Variants in PSD3 observed in about 807,000 individuals in gnomAD.
PSD3 encodes PH and SEC7 domain-containing protein 3.
PSD3 carries 49 observed loss-of-function variants against 105.5 expected under a neutral mutation model. The ratio of observed to expected loss-of-function variants is 0.46; its 90% CI spans 0.37 to 0.59. The LOEUF (loss-of-function observed/expected upper bound fraction) is 0.59, where lower values mean the gene tolerates loss of function less well. Ranked by LOEUF, PSD3 falls within the 20% of genes least tolerant of loss-of-function variation. The pLI, the probability that PSD3 is intolerant of heterozygous loss-of-function variation, is 0.00. For synonymous variants in PSD3, 557 were observed against 457.8 expected (o/e 1.22, Z -2.77); for missense variants, 1,561 against 1,263.8 (o/e 1.24, Z -3.57).
At chr8:18,602,225 C>T (rs375708926) in intron 11 of PSD3, among the ~76,000 whole-genome samples, 11 of 152,244 alleles carry the variant, frequency 7.2e-5, no homozygotes, top group African/African-American at 1.2e-4. Flanking sequence ...TTTCTACTTT[C>T]GCAGTAGATC....
chr8:19,001,266 T>C (rs1329500978), intron 1 of PSD3, among the ~76,000 whole-genome samples: 1 of 151,678 alleles, frequency 6.6e-6, no homozygotes, highest in Non-Finnish European at 1.5e-5. Context: ...GGCTAAATTT[T>C]TTCTTTTTTG....
chr8:18,572,988 A>G (rs1023498190), intron 13 of PSD3, among the ~76,000 whole-genome samples: 1 of 152,194 alleles, frequency 6.6e-6, no homozygotes, highest in African/African-American at 2.4e-5. Flanking sequence ...AATAAATTAT[A>G]AAATTTACTC....
At chr8:18,745,142 T>C (rs920835000) in intron 9 of PSD3, among the ~76,000 whole-genome samples, 1 of 152,184 alleles carries the variant, frequency 6.6e-6, no homozygotes, top group Non-Finnish European at 1.5e-5. Context: ...ACTGTCTACA[T>C]TGTAAAGTTA....
chr8:18,748,796 T>A (rs551014139), intron 9 of PSD3, among the ~76,000 whole-genome samples: 22 of 152,234 alleles, frequency 1.4e-4, no homozygotes, highest in African/African-American at 5.3e-4. Context: ...AAGCTGGGAC[T>A]GTGCTGAAGT....
At position 18,871,392 on chromosome 8, in the gene PSD3, C is replaced by CT. The variant is rs200770136; in HGVS notation, c.1238+233dup. 5.6e-3 allele frequency among the ~76,000 whole-genome samples: 854 copies of CT among 152,332 alleles called. 5 individuals carry two copies. Among genetic ancestry groups the CT allele is most frequent in the African/African-American group, 0.019 (785 of 41,572 alleles). On this transcript the variant is annotated intron_variant, in intron 3 of 15. Transcript: ENST00000327040. ...TAGTGTTCACAGTCTCTTCAGAACT[C>CT]TGTTTCCCTGGTCCATGCCTAACGG... is the stretch of plus-strand genomic sequence containing the variant.
At chr8:18,656,956 G>C (rs557219800) in intron 9 of PSD3, among the ~76,000 whole-genome samples, 2 of 152,110 alleles carry the variant, frequency 1.3e-5, no homozygotes, top group Non-Finnish European at 2.9e-5. Flanking sequence ...AACCACAAGA[G>C]CAAATTATAT....
intron 1 of PSD3, among the ~76,000 whole-genome samples, chr8:18,945,311 AT>A (rs10714025): frequency 0.65 from 99,346 of 152,060 alleles, 32,690 homozygotes; most frequent in Non-Finnish European, 0.67. Flanking sequence ...GAAAAGAAAG[AT>A]TATGAGGCAG....
intron 4 of PSD3, among the ~76,000 whole-genome samples, chr8:18,823,403 A>C (rs1812905315): frequency 6.6e-6 from 1 of 152,206 alleles, no homozygotes. Flanking sequence ...GCCACTCAAA[A>C]TAAGAACAAA....
At chr8:18,820,428 C>T (rs1291454777) in intron 4 of PSD3, among the ~76,000 whole-genome samples, 1 of 152,128 alleles carries the variant, frequency 6.6e-6, no homozygotes, top group African/African-American at 2.4e-5. Context: ...CACTCCCCTA[C>T]AAAATACCAA....
chr8:18,693,342 CAG>C, intron 9 of PSD3, among the ~76,000 whole-genome samples: 1 of 152,314 alleles, frequency 6.6e-6, no homozygotes, highest in Middle Eastern at 3.4e-3. Context: ...CATAAGGCGG[CAG>C]CAAAGCGCAA....
chr8:18,753,885 C>T (rs949876700), intron 9 of PSD3, among the ~76,000 whole-genome samples: 2 of 152,110 alleles, frequency 1.3e-5, no homozygotes, highest in Admixed American at 6.5e-5. Context: ...AGGCTACTGA[C>T]GACACAGATT....
intron 4 of PSD3, among the ~76,000 whole-genome samples, chr8:18,824,051 T>C (rs2046958): frequency 0.68 from 104,011 of 151,852 alleles, 36,434 homozygotes; most frequent in African/African-American, 0.83. Context: ...TACATGTCTG[T>C]GGTCCTGCCT....
chr8:18,708,976 C>A (rs532926075), intron 9 of PSD3, among the ~76,000 whole-genome samples: 2 of 152,158 alleles, frequency 1.3e-5, no homozygotes, highest in Non-Finnish European at 2.9e-5. Flanking sequence ...ATGCAACCTG[C>A]GGATCAGGAG....
chr8:19,015,868 T>C (rs1827163758), upstream of PSD3, among the ~76,000 whole-genome samples: 1 of 152,222 alleles, frequency 6.6e-6, no homozygotes, highest in East Asian at 1.9e-4. Flanking sequence ...GCAAAGGAAA[T>C]TTTTAATTGG....
At chr8:18,802,776 G>A (rs149854942) in intron 6 of PSD3, among the ~76,000 whole-genome samples, 2 of 152,092 alleles carry the variant, frequency 1.3e-5, no homozygotes, top group Non-Finnish European at 2.9e-5. Context: ...AAATAGTGTT[G>A]AAAATTAAAT....
At chr8:18,762,692 TA>T (rs890317984) in intron 9 of PSD3, among the ~76,000 whole-genome samples, 2 of 152,036 alleles carry the variant, frequency 1.3e-5, no homozygotes, top group African/African-American at 4.8e-5. Context: ...AATTTTAAAC[TA>T]AAAAAAGGGC....
chr8:18,634,430 A>G (rs576518808), intron 10 of PSD3, among the ~76,000 whole-genome samples: 13 of 152,310 alleles, frequency 8.5e-5, no homozygotes, highest in African/African-American at 3.1e-4. Flanking sequence ...TTATATATTA[A>G]TAACTATCGT....
intron 15 of PSD3, among the ~76,000 whole-genome samples, chr8:18,537,768 C>A (rs565798866): frequency 6.6e-6 from 1 of 152,204 alleles, no homozygotes; most frequent in African/African-American, 2.4e-5. Flanking sequence ...CCTCCACCGC[C>A]TGGGTTCTAG....
At chr8:18,969,887 A>G (rs1211185574) in intron 1 of PSD3, among the ~76,000 whole-genome samples, 1 of 152,192 alleles carries the variant, frequency 6.6e-6, no homozygotes, top group African/African-American at 2.4e-5. Context: ...AAATCTCCCC[A>G]CAAGGGATTT....
Sources: allele counts gnomAD v4.1 joint callset (sites outside exome capture counted in the v4.1 genomes callset), GRCh38; gene constraint gnomAD v4.1.1; transcripts MANE v1.5; gene names NCBI Gene and HGNC (gene_info 2026-07-23, HGNC 2026-07-21).